STK3: variants seen among roughly 807,000 people sequenced by gnomAD.
STK3 encodes serine/threonine-protein kinase 3.
Under a neutral mutation model 58.0 loss-of-function variants are expected in STK3, and 41 were observed. The observed-to-expected ratio is 0.71, with a 90% CI of 0.55 to 0.92. The LOEUF (loss-of-function observed/expected upper bound fraction) is 0.92, where lower values mean the gene tolerates loss of function less well. STK3 is among the 40% of genes least tolerant of loss of function. The probability of loss-of-function intolerance (pLI) is 0.00; values close to 1 mark genes in which losing one functional copy is unlikely to be tolerated. For synonymous variants in STK3, 170 were observed against 191.0 expected, an observed-to-expected ratio of 0.89 and a Z score of 0.91; for missense variants, 479 against 602.7, an observed-to-expected ratio of 0.79 and a Z score of 2.15.
intron 1 of STK3, among the ~76,000 whole-genome samples, chr8:98,883,987 CAGG>C (rs781772284): frequency 6.6e-6 from 1 of 152,128 alleles, no homozygotes; most frequent in Non-Finnish European, 1.5e-5. Flanking sequence ...CTGAGAAGAG[CAGG>C]AGTTCTCCCA....
chr8:98,908,295 G>A (rs900820981), intron 1 of STK3, among the ~76,000 whole-genome samples: 1 of 152,186 alleles, frequency 6.6e-6, no homozygotes, highest in East Asian at 1.9e-4. Flanking sequence ...TTCAGGAAAG[G>A]CAAGATAAAT....
At chr8:98,661,786 TTTATACA>T (rs1821983019) in intron 6 of STK3, among the ~76,000 whole-genome samples, 1 of 152,164 alleles carries the variant, frequency 6.6e-6, no homozygotes, top group African/African-American at 2.4e-5. Context: ...CACATCTACT[TTTATACA>T]TGCTTACCTT....
At chr8:98,608,475 G>C (rs1001414723) in intron 6 of STK3, among the ~76,000 whole-genome samples, 3 of 151,964 alleles carry the variant, frequency 2.0e-5, no homozygotes, top group Non-Finnish European at 4.4e-5. Context: ...CCACAAACTT[G>C]TTTCATTTTA....
the STK3 span, among the ~76,000 whole-genome samples, chr8:98,359,160 T>C: frequency 1.3e-5 from 2 of 151,734 alleles, no homozygotes; most frequent in African/African-American, 4.8e-5. Flanking sequence ...AAAGCAAATA[T>C]CTTGACTTCA....
intron 6 of STK3, among the ~76,000 whole-genome samples, chr8:98,614,883 G>C (rs1012577767): frequency 4.6e-5 from 7 of 152,340 alleles, no homozygotes; most frequent in Non-Finnish European, 1.0e-4. Context: ...TAGGCTGGGG[G>C]AGGGGAGCCC....
At chr8:98,501,072 T>C (rs902562086) in intron 10 of STK3, among the ~76,000 whole-genome samples, 2 of 152,170 alleles carry the variant, frequency 1.3e-5, no homozygotes, top group Admixed American at 6.5e-5. Flanking sequence ...CCAGCATCTG[T>C]TGTTTCCTGA....
chr8:98,865,664 T>C (rs1215839640), intron 3 of STK3, among the ~76,000 whole-genome samples: 1 of 152,244 alleles, frequency 6.6e-6, no homozygotes, highest in African/African-American at 2.4e-5. Context: ...TTGCTATTTT[T>C]AAAGCACAGG....
chr8:98,768,484 C>T (rs1184704405), intron 2 of STK3, among the ~76,000 whole-genome samples: 1 of 152,190 alleles, frequency 6.6e-6, no homozygotes, highest in Non-Finnish European at 1.5e-5. Context: ...TCCTCTGTTT[C>T]TTTGGGCTCT....
At chr8:98,592,049 AC>A (rs1436787758) in intron 7 of STK3, among the ~76,000 whole-genome samples, 2 of 152,104 alleles carry the variant, frequency 1.3e-5, no homozygotes, top group African/African-American at 4.8e-5. Context: ...AACAATTCAC[AC>A]CTGTATTATT....
At chr8:98,381,132 G>C (rs150863378) in intron 1 of STK3, among the ~76,000 whole-genome samples, 1 of 151,640 alleles carries the variant, frequency 6.6e-6, no homozygotes, top group East Asian at 1.9e-4. Context: ...CACCATGTCC[G>C]GCTAATTTTT....
At chr8:98,615,163 G>A (rs1258266863) in intron 6 of STK3, among the ~76,000 whole-genome samples, 16 of 151,770 alleles carry the variant, frequency 1.1e-4, no homozygotes, top group African/African-American at 3.4e-4. Context: ...CCTGACCCCC[G>A]AGCAGCCTAA....
At chr8:98,566,482 T>C (rs181513860) in intron 8 of STK3, among the ~76,000 whole-genome samples, 51 of 152,234 alleles carry the variant, frequency 3.4e-4, no homozygotes, top group African/African-American at 1.2e-3. Context: ...CCACACACAA[T>C]AGACCCAAGT....
At chr8:98,785,855 G>T (rs1832434321) in intron 1 of STK3, among the ~76,000 whole-genome samples, 1 of 152,112 alleles carries the variant, frequency 6.6e-6, no homozygotes, top group Non-Finnish European at 1.5e-5. Flanking sequence ...AACATTGTAA[G>T]ACAAGAAAGA....
intron 6 of STK3, among the ~76,000 whole-genome samples, chr8:98,693,961 T>C (rs1824624425): frequency 6.6e-6 from 1 of 152,230 alleles, no homozygotes; most frequent in South Asian, 2.1e-4. Context: ...CATGTGGACA[T>C]AACCACATTT....
chr8:98,749,805 T>C (rs1302614417), intron 3 of STK3, among the ~76,000 whole-genome samples: 1 of 152,152 alleles, frequency 6.6e-6, no homozygotes, highest in South Asian at 2.1e-4. Flanking sequence ...CAAAAAGTTA[T>C]TTTAAATTTT....
intron 6 of STK3, among the ~76,000 whole-genome samples, chr8:98,654,888 T>A (rs1040065811): frequency 1.3e-4 from 20 of 152,022 alleles, no homozygotes; most frequent in African/African-American, 4.6e-4. Context: ...AGAATCAATA[T>A]CGTGAAAATG....
intron 6 of STK3, among the ~76,000 whole-genome samples, chr8:98,602,551 A>G (rs919253621): frequency 3.3e-5 from 5 of 152,228 alleles, no homozygotes; most frequent in Non-Finnish European, 7.3e-5. Context: ...CAAACAGACT[A>G]TACAATCACT....
intron 1 of STK3, chr8:98,904,642 A>G: frequency 1.6e-6 from 1 of 624,106 alleles, no homozygotes; most frequent in Non-Finnish European, 3.1e-6. Context: ...GCTCCCGTTC[A>G]TACCGGGCCA....
At chr8:98,755,849 C>G (rs1162335984) in intron 3 of STK3, among the ~76,000 whole-genome samples, 1 of 152,036 alleles carries the variant, frequency 6.6e-6, no homozygotes, top group Admixed American at 6.6e-5. Context: ...TATATACAAA[C>G]TAAAGAAGCA....
Sources: gnomAD v4.1 joint callset for allele counts (sites outside exome capture counted in the v4.1 genomes callset) on GRCh38, gnomAD v4.1.1 for gene constraint, MANE v1.5 for transcripts, NCBI Gene and HGNC (gene_info 2026-07-23, HGNC 2026-07-21) for gene names.